COL6A1: variants seen among roughly 807,000 people sequenced by gnomAD.
COL6A1 encodes collagen type VI alpha 1 chain.
A neutral mutation model predicts 145.6 loss-of-function variants in COL6A1; 80 were observed. That is an observed-to-expected ratio of 0.55 (90% confidence interval 0.46 to 0.66). COL6A1 has a LOEUF of 0.66. Among genes scored for constraint, COL6A1 ranks in the 30% least tolerant of loss-of-function variants. The pLI, the probability that COL6A1 is intolerant of heterozygous loss-of-function variation, is 0.00. For missense variants in COL6A1, 1,364 were observed against 1,473.8 expected (o/e 0.93, Z 1.22); for synonymous variants, 638 against 622.8 (o/e 1.02, Z -0.36).
chr21:45,993,137 T>C (rs2123475897), intron 19 of COL6A1, among the ~76,000 whole-genome samples: 1 of 152,372 alleles, frequency 6.6e-6, no homozygotes, highest in Non-Finnish European at 1.5e-5. Context: ...CGTGAGGAAG[T>C]TGGGTCAGTA....
At position 46,002,855 on chromosome 21, in the gene COL6A1, G is replaced by A. The variant is rs558750188; in HGVS notation, c.2434+145G>A. Reference sequence around the variant, plus strand: ...GGTGCACGCGGGGCCGCCCAGGGCCGTCCCAGATCTGTGTAGGTGCGCGCA... The same window carrying A: ...GGTGCACGCGGGGCCGCCCAGGGCCATCCCAGATCTGTGTAGGTGCGCGCA... On this transcript the variant is annotated intron_variant, in intron 33 of 34. Coordinates refer to ENST00000361866, the MANE Select transcript of COL6A1 (RefSeq NM_001848.3). 393 of 1,171,994 alleles carry A rather than the reference G, an allele frequency of 3.4e-4. 1 individual carries two copies. The highest frequency in any genetic ancestry group is 5.5e-4 in the African/African-American group (36 of 65,112). 72.6% of individuals were successfully genotyped at this position (1,171,994 alleles called of 1,614,324 possible). A position where few individuals can be genotyped will look rare whatever the true frequency, so the allele number is the denominator to read the frequency against.
At chr21:45,984,683 GAGACAGAGAC>G (rs1400343649) in intron 3 of COL6A1, among the ~76,000 whole-genome samples, 1 of 151,750 alleles carries the variant, frequency 6.6e-6, no homozygotes, top group African/African-American at 2.4e-5. Context: ...GACACAGAGA[GAGACAGAGAC>G]AGAGAGAGAT....
At chr21:45,990,914 T>TGGGGCTGCTGCCAGAGGCCACG (rs2077773128) in intron 14 of COL6A1, 65 bp from the exon 15 acceptor site, 2 of 1,610,394 alleles carry the variant, frequency 1.2e-6, no homozygotes, top group East Asian at 4.5e-5. Context: ...CTGGGCGGTC[T>TGGGGCTGCTGCCAGAGGCCACG]GGGGCTGCTG....
rs759468291 is a variant in COL6A1, at chr21:45,989,657, G to A, written c.903+5G>A. On this transcript the variant is annotated splice_donor_5th_base_variant and intron_variant, in intron 10 of 34. Coordinates refer to ENST00000361866, the MANE Select transcript of COL6A1 (RefSeq NM_001848.3). Reference sequence around the variant, plus strand: ...GTTGGGTACCAGGGAATGAAGGTACGTGCCCCCCCTTTCCTGGCCCGAGCC... The same window carrying A: ...GTTGGGTACCAGGGAATGAAGGTACATGCCCCCCCTTTCCTGGCCCGAGCC... 1.4e-5 allele frequency: 23 copies of A among 1,613,006 alleles called. 1 individual carries two copies. Among genetic ancestry groups the A allele is most frequent in the South Asian group, 9.9e-5 (9 of 91,074 alleles).
intron 3 of COL6A1, 102 bp downstream of exon 3, chr21:45,984,571 C>T: frequency 8.7e-7 from 1 of 1,144,642 alleles, no homozygotes; most frequent in South Asian, 1.3e-5. Context: ...GCTGCAGCCT[C>T]CCTGTTCTCT....
chr21:45,996,681 T>A (rs949128052), intron 20 of COL6A1, among the ~76,000 whole-genome samples: 1 of 152,308 alleles, frequency 6.6e-6, no homozygotes, highest in Admixed American at 6.5e-5. Flanking sequence ...ACGGCTCCCT[T>A]CTTGGCTCAG....
chr21:45,999,249 T>G (rs761422607), intron 26 of COL6A1, 31 bp downstream of exon 26: 2 of 1,564,664 alleles, frequency 1.3e-6, no homozygotes, highest in African/African-American at 2.7e-5. Flanking sequence ...GAGGCCACGG[T>G]GGGCTGTGCC....
At chr21:45,991,967 G>A (rs2077779147) in intron 15 of COL6A1, 43 bp from the exon 16 acceptor site, 3 of 1,543,084 alleles carry the variant, frequency 1.9e-6, no homozygotes, top group African/African-American at 1.4e-5. Context: ...CACCCCTGGT[G>A]CACACCCCTG....
chr21:45,990,740 C>T (rs761684783), intron 13 of COL6A1, 33 bp from the exon 14 acceptor site: 39 of 1,602,292 alleles, frequency 2.4e-5, no homozygotes, highest in Middle Eastern at 1.7e-4. Flanking sequence ...CCCACTTGGC[C>T]GTCAGATTTT....
At chr21:45,995,793 A>T (rs1041726934) in intron 20 of COL6A1, among the ~76,000 whole-genome samples, 1 of 152,176 alleles carries the variant, frequency 6.6e-6, no homozygotes, top group African/African-American at 2.4e-5. Context: ...CATGTGACCC[A>T]TGACTCACAG....
rs373269014 is a variant in COL6A1 at position 46,000,056 on chromosome 21, G to A, written c.1777-275G>A. Among the ~76,000 whole-genome samples the A allele has an allele frequency of 4.0e-4, 57 of 143,890 alleles. No homozygotes were observed. The South Asian group carries it at 0.012, about 31-fold the overall frequency. 94.4% of individuals were successfully genotyped at this position (143,890 alleles called of 152,430 possible). On this transcript the variant is annotated intron_variant, in intron 27 of 34. Transcript: ENST00000361866. The stretch of plus-strand genomic sequence containing the variant: ...GTGAGGATCATGGGGGGGGACGTGT[G>A]AGGATCATGGGGGGACCTGTACCCA...
chr21:46,003,782 C>T lies in COL6A1; in HGVS notation c.2856C>T (p.Pro952=), dbSNP rs140427635. 2.1e-4 allele frequency: 341 copies of T among 1,611,748 alleles called. 2 individuals carry two copies. Among genetic ancestry groups the T allele is most frequent in the South Asian group, 4.7e-4 (43 of 91,066 alleles). Residue 952 remains proline (P), a synonymous_variant, in exon 35 of 35, where the codon CCC becomes CCT. Coordinates refer to ENST00000361866, the MANE Select transcript of COL6A1 (RefSeq NM_001848.3). ...FSDGNSQGAT[P]AAIEKAVQEA... Reference sequence around the variant, plus strand: ...ATGGCAACTCGCAGGGCGCCACGCCCGCTGCCATCGAGAAGGCCGTGCAGG... The same window carrying T: ...ATGGCAACTCGCAGGGCGCCACGCCTGCTGCCATCGAGAAGGCCGTGCAGG...
Position 45,987,154 on chromosome 21 carries a change from G to T in COL6A1, c.718-1G>T. 1 of 1,598,700 alleles carries T rather than the reference G, an allele frequency of 6.3e-7. No individual in the cohort carries two copies. The highest frequency in any genetic ancestry group is 8.5e-7 in the Non-Finnish European group (1 of 1,175,888). On this transcript the variant is annotated splice_acceptor_variant, in intron 5 of 34. Transcript: ENST00000361866. LOFTEE classifies it high-confidence loss of function. Reference sequence around the variant, plus strand: ...TTCTGCGTTTCCATTTCTCTTTCCAGAAAAATAACGTGGAGCAAGTGGTAA... The same window carrying T: ...TTCTGCGTTTCCATTTCTCTTTCCATAAAAATAACGTGGAGCAAGTGGTAA...
chr21:45,984,381 A>T lies in COL6A1; in HGVS notation c.340A>T (p.Lys114Ter). ...TRMPGGRDAL[K>*]SSVDAVKYFG... is the part of the protein sequence containing the mutation. ...CATGCCTGGCGGCCGCGACGCACTC[A>T]AAAGCAGCGTGGACGCGGTCAAGTA... Residue 114 changes from lysine to a stop codon, truncating the protein, a stop_gained, in exon 3 of 35, where the codon AAA becomes TAA. Coordinates refer to ENST00000361866, the MANE Select transcript of COL6A1 (RefSeq NM_001848.3). LOFTEE classifies it high-confidence loss of function. The T allele has an allele frequency of 6.2e-7, 1 of 1,612,736 alleles. No homozygotes were observed. The highest frequency in any genetic ancestry group is 8.5e-7 in the Non-Finnish European group (1 of 1,179,928).
intron 19 of COL6A1, among the ~76,000 whole-genome samples, chr21:45,993,684 C>T (rs1233282381): frequency 4.6e-5 from 7 of 152,160 alleles, no homozygotes; most frequent in South Asian, 2.1e-4. Flanking sequence ...TCCCCAGAAG[C>T]GCACAGCCCC....
chr21:45,998,783 G>T, intron 24 of COL6A1, 114 bp from the exon 25 acceptor site: 2 of 1,258,770 alleles, frequency 1.6e-6, no homozygotes, highest in South Asian at 1.3e-5. Context: ...GTGTGTGGTG[G>T]GGGAAGGGAA....
chr21:45,997,882 C>T, intron 22 of COL6A1, 120 bp downstream of exon 22: 1 of 1,197,964 alleles, frequency 8.3e-7, no homozygotes, highest in Non-Finnish European at 1.2e-6. Flanking sequence ...GTGCCCGCAG[C>T]ATCACTGGCT....
rs1048845004 is a variant in COL6A1 at position 46,004,236 on chromosome 21, C to T, written c.*223C>T. ...CACCTGCGCAGGGCCCTCTGGGGCT[C>T]AGCCCTGAGCTAGTGTCACCTGCAC... On this transcript the variant is annotated 3_prime_UTR_variant, in exon 35 of 35. Coordinates refer to ENST00000361866, the MANE Select transcript of COL6A1 (RefSeq NM_001848.3). The T allele has an allele frequency of 6.5e-6, 4 of 619,728 alleles. No individual in the cohort carries two copies. The highest frequency in any genetic ancestry group is 1.1e-5 in the Non-Finnish European group (4 of 357,124). The allele number at this position is 619,728 out of a possible 1,614,324, so 38.4% of individuals were successfully genotyped here.
rs1199063272 is a variant in COL6A1 at position 46,002,646 on chromosome 21, G to A, written c.2370G>A (p.Lys790=). The stretch of plus-strand genomic sequence containing the variant: ...GCCGGCCCGGCCTCTCGCTGGTCAA[G>A]GAGAACTATGCAGAGCTGCTGGAGG... ...SQGRPGLSLV[K]ENYAELLEDA... The change falls in exon 33 of 35, where the codon AAG becomes AAA. Residue 790 remains lysine (K), a synonymous_variant. Coordinates refer to ENST00000361866, the MANE Select transcript of COL6A1 (RefSeq NM_001848.3). 8.1e-6 allele frequency: 13 copies of A among 1,613,862 alleles called. No individual in the cohort carries two copies. Among genetic ancestry groups the A allele is most frequent in the Non-Finnish European group, 8.5e-6 (10 of 1,180,012 alleles).
Sources: allele counts gnomAD v4.1 joint callset (sites outside exome capture counted in the v4.1 genomes callset), GRCh38; gene constraint gnomAD v4.1.1; transcripts MANE v1.5; gene names NCBI Gene and HGNC (gene_info 2026-07-23, HGNC 2026-07-21).